CACNA1C: variants seen among roughly 807,000 people sequenced by gnomAD.
CACNA1C encodes calcium voltage-gated channel subunit alpha1 C.
CACNA1C carries 30 observed loss-of-function variants against 229.0 expected under a neutral mutation model. The ratio of observed to expected loss-of-function variants is 0.13; its 90% CI spans 0.10 to 0.18. CACNA1C has a LOEUF of 0.18. Among genes scored for constraint, CACNA1C ranks in the 10% least tolerant of loss-of-function variants. The probability of loss-of-function intolerance (pLI) is 1.00; values close to 1 mark genes in which losing one functional copy is unlikely to be tolerated. For missense variants in CACNA1C, 1,658 were observed against 2,845.0 expected (o/e 0.58, Z 9.49); for synonymous variants, 1,114 against 1,132.5 (o/e 0.98, Z 0.33).
intron 3 of CACNA1C, among the ~76,000 whole-genome samples, chr12:2,214,680 G>A (rs11614275): frequency 0.098 from 6,250 of 63,572 alleles, 175 homozygotes; most frequent in African/African-American, 0.18. Context: ...CCGGGGAGGT[G>A]GGCCCGGGAC....
In CACNA1C at chr12:2,585,581, G is replaced by A; in HGVS notation, c.2460+85G>A. The A allele has an allele frequency of 7.0e-7, 1 of 1,419,476 alleles. No individual in the cohort carries two copies. Among genetic ancestry groups the A allele is most frequent in the East Asian group, 2.5e-5 (1 of 39,966 alleles). The allele number at this position is 1,419,476 out of a possible 1,614,324, so 87.9% of individuals were successfully genotyped here. A position where few individuals can be genotyped will look rare whatever the true frequency, so the allele number is the denominator to read the frequency against. Reference sequence around the variant, plus strand: ...CCTTCCCAGGCCAGAACCCTGTGGAGAAGAGGAGAGAAAGAAAGACACCCA... The same window carrying A: ...CCTTCCCAGGCCAGAACCCTGTGGAAAAGAGGAGAGAAAGAAAGACACCCA... On this transcript the variant is annotated intron_variant, in intron 17 of 46. Transcript: ENST00000399655. The surrounding 1 kb of genome is among the most constrained non-coding windows in gnomAD (Gnocchi z 4.1).
intron 3 of CACNA1C, among the ~76,000 whole-genome samples, chr12:2,125,517 C>G (rs1011755993): frequency 9.2e-5 from 14 of 152,010 alleles, no homozygotes; most frequent in African/African-American, 3.4e-4. Flanking sequence ...TAAAGAATTG[C>G]GATTTCAGAG....
At chr12:2,014,889 A>C (rs1388949539) in intron 1 of CACNA1C, among the ~76,000 whole-genome samples, 1 of 152,134 alleles carries the variant, frequency 6.6e-6, no homozygotes, top group Non-Finnish European at 1.5e-5. Context: ...AGCTAGTCAG[A>C]CTCAGAGCCT....
At chr12:2,078,376 A>T (rs1422241089) in intron 1 of CACNA1C, among the ~76,000 whole-genome samples, 1 of 152,202 alleles carries the variant, frequency 6.6e-6, no homozygotes, top group Non-Finnish European at 1.5e-5. Flanking sequence ...ATTAAGATAC[A>T]TACAGCGGAG....
At chr12:1,996,608 T>G (rs138228920) in intron 1 of CACNA1C, among the ~76,000 whole-genome samples, 1 of 68,844 alleles carries the variant, frequency 1.5e-5, no homozygotes, top group African/African-American at 5.5e-5. Context: ...TAATAATAGC[T>G]GATGAGCTAA....
rs186727267 is a variant in CACNA1C at position 2,285,604 on chromosome 12, C to G, written c.478-163372C>G. Among the ~76,000 whole-genome samples, 1 of 152,136 alleles carries G rather than the reference C, an allele frequency of 6.6e-6. No individual in the cohort carries two copies. The highest frequency in any genetic ancestry group is 1.5e-5 in the Non-Finnish European group (1 of 68,020). On this transcript the variant is annotated intron_variant, in intron 3 of 46. Transcript: ENST00000399655. This position sits in a 1 kb window ranked among gnomAD's most constrained non-coding sequence, Gnocchi z 4.2. ...TTTCAATGAGAGGACTCTGCTGTGC[C>G]GCAGAGCTGGAATCACTCAAAGCAG...
intron 3 of CACNA1C, among the ~76,000 whole-genome samples, chr12:2,128,456 G>A (rs548355003): frequency 3.8e-4 from 58 of 152,086 alleles, no homozygotes; most frequent in African/African-American, 1.3e-3. Context: ...TGTCGCCCAG[G>A]CTGGAGTGCA....
chr12:2,224,683 G>A (rs937231542), intron 3 of CACNA1C, among the ~76,000 whole-genome samples: 2 of 152,156 alleles, frequency 1.3e-5, no homozygotes, highest in African/African-American at 4.8e-5. Context: ...ATTTCCTGAT[G>A]AAGAAAAGGC....
At chr12:2,000,802 C>T (rs1332045280) in intron 1 of CACNA1C, among the ~76,000 whole-genome samples, 3 of 152,096 alleles carry the variant, frequency 2.0e-5, no homozygotes, top group Non-Finnish European at 4.4e-5. Context: ...TTTGGGAGGC[C>T]GAGGCGGGTG....
chr12:2,379,720 T>C (rs2154544832), intron 3 of CACNA1C, among the ~76,000 whole-genome samples: 1 of 152,276 alleles, frequency 6.6e-6, no homozygotes, highest in Non-Finnish European at 1.5e-5. Context: ...CCTGCCATGA[T>C]GCGGGACATA....
At chr12:2,164,505 GA>G (rs57364773) in intron 3 of CACNA1C, among the ~76,000 whole-genome samples, 2,324 of 152,368 alleles carry the variant, frequency 0.015, 68 homozygotes, top group African/African-American at 0.054. Flanking sequence ...CTAAGCCGAA[GA>G]GATGCTCATT....
At position 2,000,470 on chromosome 12, in the gene CACNA1C, T is replaced by TAA. The variant is rs71441668; in HGVS notation, c.139+29280_139+29281dup. ...GTAACAGAAATTCTCTTTTCTTAAT[T>TAA]AAAAAAAAAAAACCTTTAATGCCAC... On this transcript the variant is annotated intron_variant, in intron 1 of 46. Coordinates refer to the CACNA1C transcript ENST00000682462. Among the ~76,000 whole-genome samples, 1,105 of 146,294 alleles carry TAA rather than the reference T, an allele frequency of 7.6e-3. 11 individuals are homozygous for TAA. The highest frequency in any genetic ancestry group is 0.026 in the African/African-American group (1,025 of 40,012).
In CACNA1C at chr12:2,668,915, G is replaced by A. The variant is rs1298389598; in HGVS notation, c.4624-18G>A. On this transcript the variant is annotated intron_variant, in intron 37 of 46. Transcript: ENST00000399655. ...ACCGCCTGCCATCATCACCAGCTTTGCTTCTCTTCGCCTGCAGCGCCTGGT... is the reference window on the plus strand; with the variant it reads ...ACCGCCTGCCATCATCACCAGCTTTACTTCTCTTCGCCTGCAGCGCCTGGT... The A allele has an allele frequency of 6.3e-7, 1 of 1,587,448 alleles. No homozygotes were observed. The highest frequency in any genetic ancestry group is 1.7e-5 in the Admixed American group (1 of 59,968).
At chr12:2,339,760 C>G (rs2096805755) in intron 3 of CACNA1C, among the ~76,000 whole-genome samples, 1 of 152,152 alleles carries the variant, frequency 6.6e-6, no homozygotes, top group African/African-American at 2.4e-5. Context: ...TATGAGACCA[C>G]CATTGTGTAT....
intron 3 of CACNA1C, among the ~76,000 whole-genome samples, chr12:2,390,883 G>A (rs903338245): frequency 1.3e-5 from 2 of 152,186 alleles, no homozygotes; most frequent in Admixed American, 1.3e-4. Context: ...TGGCATGCTG[G>A]AGCTTAGTAG....
In CACNA1C at chr12:2,501,045, A is replaced by T. The variant is rs1985412; in HGVS notation, c.1114-3797A>T. 5.6e-3 allele frequency among the ~76,000 whole-genome samples: 653 copies of T among 117,000 alleles called. 8 individuals are homozygous for T. Among genetic ancestry groups the T allele is most frequent in the African/African-American group, 0.017 (610 of 35,930 alleles). 76.8% of individuals were successfully genotyped at this position (117,000 alleles called of 152,430 possible). ...CACGGTGAAACCCCGTCTCTACTTTAAAAAAAAAAAAAAATTAGCCAGGTG... is the reference window on the plus strand; with the variant it reads ...CACGGTGAAACCCCGTCTCTACTTTTAAAAAAAAAAAAAATTAGCCAGGTG... On this transcript the variant is annotated intron_variant, in intron 7 of 46. Transcript: ENST00000399655.
intron 3 of CACNA1C, among the ~76,000 whole-genome samples, chr12:2,345,560 G>A (rs1317571957): frequency 6.6e-6 from 1 of 152,226 alleles, no homozygotes; most frequent in Admixed American, 6.5e-5. Flanking sequence ...TGTTGAAACT[G>A]AGGCACTGAG....
chr12:2,349,169 C>T (rs966764097), intron 3 of CACNA1C, among the ~76,000 whole-genome samples: 6 of 152,182 alleles, frequency 3.9e-5, no homozygotes, highest in Non-Finnish European at 7.3e-5. Context: ...GAGGGGTCTG[C>T]TCTAATAGCA....
At chr12:2,606,907 C>T (rs1016121470) in intron 25 of CACNA1C, 77 bp from the exon 26 acceptor site, 1 of 1,519,554 alleles carries the variant, frequency 6.6e-7, no homozygotes. Flanking sequence ...TCCCACCCAG[C>T]ATTCAAGGTC....
Sources: allele counts gnomAD v4.1 joint callset (sites outside exome capture counted in the v4.1 genomes callset), GRCh38; gene constraint gnomAD v4.1.1; non-coding constraint Gnocchi (gnomAD v3.1); transcripts MANE v1.5; gene names NCBI Gene and HGNC (gene_info 2026-07-23, HGNC 2026-07-21).